TCF7L1: variants seen among roughly 807,000 people sequenced by gnomAD.
TCF7L1 encodes the protein transcription factor 7 like 1, also known as transcription factor 7-like 1.
In TCF7L1, 18 loss-of-function variants were observed where a neutral mutation model predicts 63.7. The observed-to-expected ratio is 0.28, with a 90% CI of 0.20 to 0.42. The LOEUF (loss-of-function observed/expected upper bound fraction) is 0.42. TCF7L1 is among the 10% of genes least tolerant of loss of function. The pLI, the probability that TCF7L1 is intolerant of heterozygous loss-of-function variation, is 1.00. For synonymous variants in TCF7L1, 355 were observed against 340.9 expected (o/e 1.04, Z -0.46); for missense variants, 654 against 779.3 (o/e 0.84, Z 1.91).
At position 85,251,351 on chromosome 2, in the gene TCF7L1, G is replaced by A. The variant is rs143245911; in HGVS notation, c.442-32144G>A. 4.6e-3 allele frequency among the ~76,000 whole-genome samples: 697 copies of A among 152,316 alleles called. 2 individuals carry two copies. Among genetic ancestry groups the A allele is most frequent in the Non-Finnish European group, 7.6e-3 (515 of 68,024 alleles). On this transcript the variant is annotated intron_variant, in intron 3 of 11. Coordinates refer to ENST00000282111, the MANE Select transcript of TCF7L1 (RefSeq NM_031283.3). The stretch of plus-strand genomic sequence containing the variant: ...AATGATAATCAGCACTCATTTCTAT[G>A]CACACAAAGAGAAGCTTGTGAGGAA...
intron 3 of TCF7L1, among the ~76,000 whole-genome samples, chr2:85,270,301 T>C (rs1266862304): frequency 6.6e-6 from 1 of 152,262 alleles, no homozygotes; most frequent in East Asian, 1.9e-4. Flanking sequence ...CTGCTTTTGG[T>C]CAATGGACTT....
At chr2:85,240,776 C>CA (rs397974438) in intron 3 of TCF7L1, among the ~76,000 whole-genome samples, 16,396 of 95,636 alleles carry the variant, frequency 0.17, 1,380 homozygotes, top group African/African-American at 0.27. Flanking sequence ...ACTCTTGCCT[C>CA]AAAAAAAAAA....
intron 4 of TCF7L1, among the ~76,000 whole-genome samples, chr2:85,284,207 T>G (rs2104369785): frequency 6.6e-6 from 1 of 152,290 alleles, no homozygotes; most frequent in Admixed American, 6.5e-5. Flanking sequence ...AGACGGTGTT[T>G]CACTGTGTTA....
rs143257626 is a variant in TCF7L1 at position 85,172,701 on chromosome 2, T to C, written c.441+38251T>C. On this transcript the variant is annotated intron_variant, in intron 3 of 11. Transcript: ENST00000282111. The stretch of plus-strand genomic sequence containing the variant: ...TTGGCCTCCCAAAGTGCTAGATTTA[T>C]AGGCGTGAGCCACCGCGCCCGGCCA... Among the ~76,000 whole-genome samples, 1,064 of 152,270 alleles carry C rather than the reference T, an allele frequency of 7.0e-3. 17 individuals are homozygous for C. Among genetic ancestry groups the C allele is most frequent in the African/African-American group, 0.024 (1,003 of 41,562 alleles).
intron 3 of TCF7L1, among the ~76,000 whole-genome samples, chr2:85,269,805 A>G (rs571250765): frequency 6.6e-6 from 1 of 152,270 alleles, no homozygotes; most frequent in African/African-American, 2.4e-5. Context: ...TTGTTCCCTG[A>G]GATATGTAAG....
intron 3 of TCF7L1, among the ~76,000 whole-genome samples, chr2:85,140,308 A>G (rs1677696599): frequency 6.6e-6 from 1 of 152,166 alleles, no homozygotes; most frequent in African/African-American, 2.4e-5. Context: ...CATTGGAGAC[A>G]CGTTAGGTGT....
At chr2:85,264,122 T>C (rs898730801) in intron 3 of TCF7L1, among the ~76,000 whole-genome samples, 1 of 152,088 alleles carries the variant, frequency 6.6e-6, no homozygotes, top group Non-Finnish European at 1.5e-5. Context: ...CAACTGTGGG[T>C]CTCCAGCCAA....
chr2:85,220,541 T>G lies in TCF7L1; in HGVS notation c.442-62954T>G, dbSNP rs1679818870. On this transcript the variant is annotated intron_variant, in intron 3 of 11. Transcript: ENST00000282111. Reference sequence around the variant, plus strand: ...CCTCCATGCCCAGCTAACTTTTGTATTTTTGATAGAGACAGGGTTTCACCA... The same window carrying G: ...CCTCCATGCCCAGCTAACTTTTGTAGTTTTGATAGAGACAGGGTTTCACCA... 3.9e-5 allele frequency among the ~76,000 whole-genome samples: 6 copies of G among 152,030 alleles called. No homozygotes were observed. The South Asian group carries it at 1.2e-3, about 32-fold the overall frequency.
intron 3 of TCF7L1, among the ~76,000 whole-genome samples, chr2:85,192,470 C>A (rs1679056569): frequency 6.6e-6 from 1 of 152,092 alleles, no homozygotes; most frequent in Non-Finnish European, 1.5e-5. Flanking sequence ...TCACTGCAAC[C>A]TCCGCCTCCC....
At chr2:85,237,911 A>C (rs1307647207) in intron 3 of TCF7L1, among the ~76,000 whole-genome samples, 1 of 152,026 alleles carries the variant, frequency 6.6e-6, no homozygotes, top group Non-Finnish European at 1.5e-5. Context: ...AGCGGGAGGC[A>C]TGCAAGCAAA....
chr2:85,159,445 A>T (rs1678229103), intron 3 of TCF7L1, among the ~76,000 whole-genome samples: 1 of 152,192 alleles, frequency 6.6e-6, no homozygotes, highest in Non-Finnish European at 1.5e-5. Flanking sequence ...TTCCGGCCTT[A>T]CCAAGTTGTG....
intron 3 of TCF7L1, among the ~76,000 whole-genome samples, chr2:85,193,692 TTAAAA>T (rs1341676941): frequency 1.3e-5 from 2 of 152,128 alleles, no homozygotes; most frequent in East Asian, 3.8e-4. Context: ...TAAAAAGCAA[TTAAAA>T]TAAATAAGAT....
Position 85,245,063 on chromosome 2 carries a change from T to A in TCF7L1, c.442-38432T>A, listed in dbSNP as rs371440670. ...TCTTTGCTGTCCTCAAAATATAGAC[T>A]TGGCACTCTGCCCGCTAGCAGGACA... On this transcript the variant is annotated intron_variant, in intron 3 of 11. Transcript: ENST00000282111. Among the ~76,000 whole-genome samples the A allele has an allele frequency of 3.9e-4, 59 of 152,212 alleles. No individual in the cohort carries two copies. In the South Asian group the frequency reaches 0.012, roughly 31 times the overall value.
chr2:85,149,817 G>T (rs142535507), intron 3 of TCF7L1, among the ~76,000 whole-genome samples: 1 of 152,174 alleles, frequency 6.6e-6, no homozygotes, highest in East Asian at 1.9e-4. Context: ...GAGCCACCGC[G>T]CCCGGCTCTG....
chr2:85,196,861 A>G (rs1679167989), intron 3 of TCF7L1, among the ~76,000 whole-genome samples: 1 of 152,130 alleles, frequency 6.6e-6, no homozygotes, highest in Non-Finnish European at 1.5e-5. Context: ...AGGCATTCCC[A>G]CTGCCCAACC....
At chr2:85,268,683 C>G (rs1347675004) in intron 3 of TCF7L1, among the ~76,000 whole-genome samples, 4 of 151,686 alleles carry the variant, frequency 2.6e-5, no homozygotes, top group African/African-American at 7.3e-5. Context: ...CTCAGGTGAC[C>G]CACCCTCCTC....
At chr2:85,249,761 G>A (rs1680549887) in intron 3 of TCF7L1, among the ~76,000 whole-genome samples, 1 of 152,156 alleles carries the variant, frequency 6.6e-6, no homozygotes, top group Admixed American at 6.5e-5. Flanking sequence ...TTTCCTGGGA[G>A]AGTAGAAAAC....
At chr2:85,290,153 A>T (rs1681672214) in intron 4 of TCF7L1, among the ~76,000 whole-genome samples, 1 of 148,042 alleles carries the variant, frequency 6.8e-6, no homozygotes, top group South Asian at 2.2e-4. Flanking sequence ...TAATTTTTGT[A>T]TTTTTTTAGT....
chr2:85,266,166 G>A (rs1157676375), intron 3 of TCF7L1, among the ~76,000 whole-genome samples: 1 of 152,106 alleles, frequency 6.6e-6, no homozygotes, highest in Non-Finnish European at 1.5e-5. Context: ...TGCAGCATAA[G>A]GCATTTAATA....
Sources: allele counts gnomAD v4.1 joint callset (sites outside exome capture counted in the v4.1 genomes callset), GRCh38; gene constraint gnomAD v4.1.1; transcripts MANE v1.5; gene names NCBI Gene and HGNC (gene_info 2026-07-23, HGNC 2026-07-21).